The following ANKFN1 variants were observed in gnomAD, a reference collection of about 807,000 sequenced individuals.
The protein encoded by ANKFN1 is ankyrin repeat and fibronectin type-III domain-containing protein 1.
In ANKFN1, 74 loss-of-function variants were observed where a neutral mutation model predicts 108.7. The ratio of observed to expected loss-of-function variants is 0.68; its 90% CI spans 0.56 to 0.83. ANKFN1 has a LOEUF of 0.83. Ranked by LOEUF, ANKFN1 falls within the 40% of genes least tolerant of loss-of-function variation. The pLI is 0.00. For missense variants in ANKFN1, 1,505 were observed against 1,382.3 expected (o/e 1.09, Z -1.41); for synonymous variants, 547 against 516.2 (o/e 1.06, Z -0.81).
intron 3 of ANKFN1, among the ~76,000 whole-genome samples, chr17:56,305,741 CTA>C (rs1034406756): frequency 5.9e-5 from 9 of 152,054 alleles, no homozygotes; most frequent in African/African-American, 1.9e-4. Context: ...AGATATTTTT[CTA>C]TGTTTTTTCT....
At chr17:56,179,126 C>G (rs890453915) in intron 1 of ANKFN1, among the ~76,000 whole-genome samples, 3 of 152,130 alleles carry the variant, frequency 2.0e-5, no homozygotes, top group Non-Finnish European at 4.4e-5. Flanking sequence ...ATTCACCCTC[C>G]TCTGCAAATC....
chr17:56,130,297 G>A (rs1016602464), intron 4 of ANKFN1, among the ~76,000 whole-genome samples: 3 of 152,138 alleles, frequency 2.0e-5, no homozygotes, highest in Non-Finnish European at 4.4e-5. Flanking sequence ...TAGTGGCTGC[G>A]ATATTAAGTG....
intron 1 of ANKFN1, among the ~76,000 whole-genome samples, chr17:56,189,420 T>G (rs997154764): frequency 6.6e-6 from 1 of 151,834 alleles, no homozygotes; most frequent in Non-Finnish European, 1.5e-5. Context: ...TCCGCCCGCC[T>G]CGGCCTCCCA....
chr17:56,159,287 C>G (rs1014528504), intron 1 of ANKFN1, among the ~76,000 whole-genome samples: 1 of 152,200 alleles, frequency 6.6e-6, no homozygotes, highest in Non-Finnish European at 1.5e-5. Flanking sequence ...ATTGACTGAA[C>G]AGGCTACAGT....
chr17:56,470,957 G>C (rs571229849), intron 15 of ANKFN1, among the ~76,000 whole-genome samples: 6 of 152,260 alleles, frequency 3.9e-5, no homozygotes, highest in African/African-American at 1.4e-4. Flanking sequence ...TCTCTTCAGG[G>C]ATCACTTCAG....
At chr17:56,451,079 T>A (rs191124710) in intron 11 of ANKFN1, among the ~76,000 whole-genome samples, 1 of 152,328 alleles carries the variant, frequency 6.6e-6, no homozygotes, top group Admixed American at 6.5e-5. Flanking sequence ...GCTCAAAGTA[T>A]GTTCCAAAGA....
intron 8 of ANKFN1, among the ~76,000 whole-genome samples, chr17:56,381,948 A>G (rs1201005773): frequency 7.2e-5 from 11 of 151,938 alleles, no homozygotes; most frequent in African/African-American, 2.7e-4. Context: ...CCACAAAGAT[A>G]CTCCTCGAGA....
At chr17:56,197,154 G>GT (rs1163979366) in intron 1 of ANKFN1, among the ~76,000 whole-genome samples, 1 of 152,088 alleles carries the variant, frequency 6.6e-6, no homozygotes, top group Non-Finnish European at 1.5e-5. Flanking sequence ...TTAGTACAGC[G>GT]TATCTATATT....
chr17:56,140,944 C>A (rs889922403), intron 4 of ANKFN1, among the ~76,000 whole-genome samples: 2 of 152,164 alleles, frequency 1.3e-5, no homozygotes, highest in Non-Finnish European at 2.9e-5. Flanking sequence ...AAGTAAAGGT[C>A]ACATCATGTG....
intron 4 of ANKFN1, among the ~76,000 whole-genome samples, chr17:56,143,619 C>T (rs1488219240): frequency 6.6e-6 from 1 of 152,070 alleles, no homozygotes; most frequent in Non-Finnish European, 1.5e-5. Flanking sequence ...ATGAATGTGA[C>T]CTGATTTGGA....
chr17:56,389,921 C>T (rs1021175172), intron 8 of ANKFN1, among the ~76,000 whole-genome samples: 5 of 152,126 alleles, frequency 3.3e-5, no homozygotes, highest in African/African-American at 4.8e-5. Context: ...CCTTTGTACA[C>T]GATGGTCCCT....
intron 15 of ANKFN1, among the ~76,000 whole-genome samples, chr17:56,468,094 G>A (rs77505257): frequency 0.018 from 2,711 of 152,238 alleles, 73 homozygotes; most frequent in African/African-American, 0.061. Context: ...TTTGTCCCTT[G>A]GCACACAGCT....
chr17:56,131,717 G>A (rs1174999801), intron 4 of ANKFN1, among the ~76,000 whole-genome samples: 3 of 152,070 alleles, frequency 2.0e-5, no homozygotes, highest in Non-Finnish European at 4.4e-5. Context: ...AAATTATGTG[G>A]GAATCTCACT....
At chr17:56,066,493 G>C (rs111538617) in intron 4 of ANKFN1, among the ~76,000 whole-genome samples, 1 of 152,094 alleles carries the variant, frequency 6.6e-6, no homozygotes, top group African/African-American at 2.4e-5. Flanking sequence ...CATTGATTGC[G>C]TATTGAGGCA....
chr17:56,384,783 A>C (rs907954124), intron 8 of ANKFN1, among the ~76,000 whole-genome samples: 2 of 152,134 alleles, frequency 1.3e-5, no homozygotes, highest in Non-Finnish European at 2.9e-5. Flanking sequence ...GACCTCTTCA[A>C]GGAGAACTAC....
intron 4 of ANKFN1, among the ~76,000 whole-genome samples, chr17:56,057,311 T>C (rs1301791185): frequency 5.9e-5 from 9 of 152,178 alleles, no homozygotes; most frequent in African/African-American, 2.2e-4. Context: ...CCTTCCCCCA[T>C]GAATCACAAG....
rs201578702 is a variant in ANKFN1, at chr17:56,247,154, CAAAT to C, written c.53+19201_53+19204del. On this transcript the variant is annotated intron_variant, in intron 3 of 20. Coordinates refer to ENST00000682825, the MANE Select transcript of ANKFN1 (RefSeq NM_001370326.1). ...TACAATAAGCTACTCAGATAATTGACAAATAAACGCTGCTTTGCAGAAAACATTG... is the reference window on the plus strand; with the variant it reads ...TACAATAAGCTACTCAGATAATTGACAAACGCTGCTTTGCAGAAAACATTG... 3.2e-3 allele frequency among the ~76,000 whole-genome samples: 489 copies of C among 152,254 alleles called. 1 individual carries two copies. Among genetic ancestry groups the C allele is most frequent in the African/African-American group, 0.011 (464 of 41,562 alleles).
In ANKFN1 at chr17:56,122,558, A is replaced by G. The variant is rs578157594; in HGVS notation, c.288+76233A>G. Among the ~76,000 whole-genome samples the G allele has an allele frequency of 3.9e-5, 6 of 152,252 alleles. No homozygotes were observed. In the South Asian group the frequency reaches 1.2e-3, roughly 32 times the overall value. ...ATTGTTCATCCCTGTCCACATCTCA[A>G]ACTCAGGATCCCACAGAGAAAACTT... On this transcript the variant is annotated intron_variant, in intron 4 of 12. Coordinates refer to the ANKFN1 transcript ENST00000635860.
At chr17:56,118,981 T>A (rs917378674) in intron 4 of ANKFN1, among the ~76,000 whole-genome samples, 23 of 152,178 alleles carry the variant, frequency 1.5e-4, no homozygotes, top group African/African-American at 5.5e-4. Context: ...GTTGTGCTAT[T>A]TTCTTAAGGA....
Sources: gnomAD v4.1 joint callset for allele counts (sites outside exome capture counted in the v4.1 genomes callset) on GRCh38, gnomAD v4.1.1 for gene constraint, MANE v1.5 for transcripts, NCBI Gene and HGNC (gene_info 2026-07-23, HGNC 2026-07-21) for gene names.